CPVL: variants seen among roughly 807,000 people sequenced by gnomAD.
CPVL encodes probable serine carboxypeptidase CPVL.
A neutral mutation model predicts 63.7 loss-of-function variants in CPVL; 51 were observed. That is an observed-to-expected ratio of 0.80 (90% CI 0.64 to 1.01). The LOEUF is 1.01. CPVL is among the 50% of genes least tolerant of loss of function. CPVL has a pLI of 0.00. For synonymous variants in CPVL, 195 were observed against 206.0 expected (o/e 0.95, Z 0.46); for missense variants, 530 against 573.1 (o/e 0.92, Z 0.77).
chr7:29,052,877 G>A (rs569387087), intron 11 of CPVL, among the ~76,000 whole-genome samples: 20 of 152,136 alleles, frequency 1.3e-4, no homozygotes, highest in Admixed American at 1.2e-3. Context: ...CCACTGCACT[G>A]CAGCCTGGGC....
At chr7:29,172,932 A>T (rs1796796134) in intron 5 of CPVL, among the ~76,000 whole-genome samples, 1 of 152,034 alleles carries the variant, frequency 6.6e-6, no homozygotes, top group African/African-American at 2.4e-5. Context: ...GGAGTTTGAG[A>T]CCAGCGTGGC....
intron 5 of CPVL, among the ~76,000 whole-genome samples, chr7:29,168,635 A>G (rs2128721587): frequency 6.6e-6 from 1 of 152,284 alleles, no homozygotes; most frequent in East Asian, 1.9e-4. Context: ...CCAATCCCCC[A>G]ACCTGTATAG....
intron 1 of CPVL, among the ~76,000 whole-genome samples, chr7:29,187,367 CAA>C (rs1562815907): frequency 4.0e-5 from 6 of 150,098 alleles, no homozygotes. Flanking sequence ...GTGTGTGTGA[CAA>C]AGAGAGAGAC....
chr7:29,119,007 A>G (rs948801527), intron 2 of CPVL, among the ~76,000 whole-genome samples: 1 of 152,130 alleles, frequency 6.6e-6, no homozygotes, highest in East Asian at 1.9e-4. Context: ...ATTCTCTCCT[A>G]TTCTGTTAAA....
intron 12 of CPVL, among the ~76,000 whole-genome samples, chr7:29,022,177 G>A (rs1787058965): frequency 6.6e-6 from 1 of 152,068 alleles, no homozygotes; most frequent in Non-Finnish European, 1.5e-5. Context: ...ACTGTCCAAG[G>A]ACCTGAGGAC....
chr7:29,070,504 T>G (rs959146339), intron 9 of CPVL, among the ~76,000 whole-genome samples: 2 of 152,248 alleles, frequency 1.3e-5, no homozygotes, highest in African/African-American at 4.8e-5. Flanking sequence ...CCTCTGTGAC[T>G]ACCACAGCAG....
intron 11 of CPVL, among the ~76,000 whole-genome samples, chr7:29,038,519 A>G (rs1180673548): frequency 2.0e-5 from 3 of 152,212 alleles, no homozygotes; most frequent in Non-Finnish European, 4.4e-5. Context: ...GAACTAAGAC[A>G]GTCAGCATTT....
In CPVL at chr7:29,075,010, C is replaced by T. The variant is rs1234606204; in HGVS notation, c.610-2587G>A. ...TAAATGAATGACTTATCTGGCATTA[C>T]TTCTAAATACTTTTCCCCTATCAGA... On this transcript the variant is annotated intron_variant, in intron 7 of 12. Coordinates refer to ENST00000265394, the MANE Select transcript of CPVL (RefSeq NM_031311.5). 1.1e-4 allele frequency among the ~76,000 whole-genome samples: 16 copies of T among 152,208 alleles called. 1 individual carries two copies. In the East Asian group the frequency reaches 2.7e-3, roughly 26 times the overall value.
In CPVL at chr7:29,064,147, C is replaced by T. The variant is rs1782914748; in HGVS notation, c.1051G>A (p.Asp351Asn). Residue 351 changes from aspartate (D) to asparagine (N), a missense_variant, in exon 11 of 13, where the codon GAT becomes AAT. Physicochemically the swap from Asp to Asn is conservative, Grantham distance 23. Coordinates refer to ENST00000265394, the MANE Select transcript of CPVL (RefSeq NM_031311.5). ...AAGTACTTTTCAACTATAGTTCCAT[C>T]ATTAAAAGTCTGATTCCCCACGTGG... ...AIHVGNQTFN[D>N]GTIVEKYLRE... 6.2e-7 allele frequency: 1 copy of T among 1,612,650 alleles called. No individual in the cohort carries two copies. Among genetic ancestry groups the T allele is most frequent in the Non-Finnish European group, 8.5e-7 (1 of 1,178,724 alleles).
chr7:29,052,956 A>G (rs115629483), intron 11 of CPVL, among the ~76,000 whole-genome samples: 189 of 152,252 alleles, frequency 1.2e-3, no homozygotes, highest in African/African-American at 4.5e-3. Context: ...ATAATAAAAA[A>G]CAAATAACCC....
chr7:29,152,321 C>G (rs1257678921), intron 5 of CPVL, among the ~76,000 whole-genome samples: 2 of 152,132 alleles, frequency 1.3e-5, no homozygotes, highest in Admixed American at 6.5e-5. Flanking sequence ...AAGGATTCCC[C>G]CTTGATTCTG....
chr7:29,139,778 G>C (rs1022684236), intron 1 of CPVL, among the ~76,000 whole-genome samples: 3 of 152,134 alleles, frequency 2.0e-5, no homozygotes, highest in African/African-American at 7.2e-5. Context: ...GGCACAGGCG[G>C]TTCATTCTCC....
At chr7:29,173,944 T>G (rs1217856417) in intron 5 of CPVL, among the ~76,000 whole-genome samples, 3 of 148,464 alleles carry the variant, frequency 2.0e-5, no homozygotes, top group African/African-American at 7.5e-5. Context: ...AGAGGGAGAC[T>G]GACTCAAAAA....
chr7:29,136,716 T>G (rs1232407062), intron 1 of CPVL, among the ~76,000 whole-genome samples: 1 of 152,150 alleles, frequency 6.6e-6, no homozygotes, highest in Non-Finnish European at 1.5e-5. Context: ...ATAACATTAC[T>G]TTTATTATAT....
At chr7:29,157,774 C>A (rs1297771423) in intron 5 of CPVL, among the ~76,000 whole-genome samples, 2 of 151,916 alleles carry the variant, frequency 1.3e-5, no homozygotes, top group Non-Finnish European at 2.9e-5. Flanking sequence ...TCTGCCAGAA[C>A]AAATTAGTCA....
chr7:29,124,747 T>C (rs927857021), intron 1 of CPVL, among the ~76,000 whole-genome samples: 1 of 152,102 alleles, frequency 6.6e-6, no homozygotes, highest in Non-Finnish European at 1.5e-5. Context: ...AAAAGCAGGA[T>C]ATTAGATTGG....
chr7:29,018,361 C>T (rs911101088), intron 12 of CPVL, among the ~76,000 whole-genome samples: 16 of 148,688 alleles, frequency 1.1e-4, no homozygotes, highest in Non-Finnish European at 2.2e-4. Context: ...GTTATTATTC[C>T]GATTAAAATT....
intron 7 of CPVL, among the ~76,000 whole-genome samples, chr7:29,076,955 G>C (rs1422793219): frequency 6.6e-6 from 1 of 152,140 alleles, no homozygotes; most frequent in Non-Finnish European, 1.5e-5. Flanking sequence ...TAAAAATAGA[G>C]AGAATGCAAT....
chr7:29,028,320 A>C (rs1787689998), intron 12 of CPVL, among the ~76,000 whole-genome samples: 1 of 152,148 alleles, frequency 6.6e-6, no homozygotes, highest in Non-Finnish European at 1.5e-5. Flanking sequence ...CCTATCTCTC[A>C]CCATATCCAT....
Sources: gnomAD v4.1 joint callset for allele counts (sites outside exome capture counted in the v4.1 genomes callset) on GRCh38, gnomAD v4.1.1 for gene constraint, MANE v1.5 for transcripts, NCBI Gene and HGNC (gene_info 2026-07-23, HGNC 2026-07-21) for gene names.